RTL4: variants seen among roughly 807,000 people sequenced by gnomAD.
RTL4 encodes retrotransposon Gag like 4, also known as retrotransposon Gag-like protein 4.
RTL4 carries 4 observed loss-of-function variants against 5.3 expected under a neutral mutation model. The observed-to-expected ratio is 0.75, with a 90% CI of 0.37 to 1.72. RTL4 has a LOEUF of 1.72. RTL4 is among the 40% of genes most tolerant of loss of function. The pLI is 0.04. For synonymous variants in RTL4, 98 were observed against 87.3 expected, an observed-to-expected ratio of 1.12 and a Z score of -0.68; for missense variants, 260 against 227.1, an observed-to-expected ratio of 1.14 and a Z score of -0.93.
the RTL4 span, among the ~76,000 whole-genome samples, chrX:112,429,204 G>T: frequency 9.0e-6 from 1 of 110,929 alleles, no homozygotes. Flanking sequence ...TCTTTTTATT[G>T]CCCGTGTTCT....
chrX:112,151,497 T>C, the RTL4 span, among the ~76,000 whole-genome samples: 1 of 112,274 alleles, frequency 8.9e-6, no homozygotes, highest in Admixed American at 9.4e-5. Flanking sequence ...CTTTATCATG[T>C]CAATGTTGTG....
the RTL4 span, among the ~76,000 whole-genome samples, chrX:112,436,488 A>G: frequency 2.7e-5 from 3 of 111,508 alleles, no homozygotes; most frequent in Non-Finnish European, 5.6e-5. Context: ...TTTAGGAAAA[A>G]TCAATAGATC....
the RTL4 span, among the ~76,000 whole-genome samples, chrX:112,155,235 A>G: frequency 3.6e-5 from 4 of 110,473 alleles, no homozygotes; most frequent in Middle Eastern, 4.6e-3. Flanking sequence ...CTAGATAACT[A>G]GGAAAATGTT....
At chrX:112,228,339 G>T in the RTL4 span, among the ~76,000 whole-genome samples, 14 of 111,947 alleles carry the variant, frequency 1.3e-4, no homozygotes, top group African/African-American at 4.2e-4. Flanking sequence ...CAAGTTCAAA[G>T]GAACCATTTT....
the RTL4 span, among the ~76,000 whole-genome samples, chrX:112,201,565 A>G: frequency 6.3e-5 from 7 of 110,465 alleles, no homozygotes; most frequent in Admixed American, 1.9e-4. Context: ...GTAATAAACA[A>G]TGAAGTAGAG....
At chrX:112,314,230 A>G in the RTL4 span, among the ~76,000 whole-genome samples, 2 of 111,894 alleles carry the variant, frequency 1.8e-5, no homozygotes, top group African/African-American at 6.5e-5. Flanking sequence ...CCCACCGTTC[A>G]GCACATCCCA....
chrX:112,313,830 C>T, the RTL4 span, among the ~76,000 whole-genome samples: 3 of 109,587 alleles, frequency 2.7e-5, no homozygotes, highest in East Asian at 5.7e-4. Context: ...ATGACAAAGT[C>T]ATAAAGATGG....
At chrX:112,352,644 C>G in the RTL4 span, among the ~76,000 whole-genome samples, 1 of 111,402 alleles carries the variant, frequency 9.0e-6, no homozygotes, top group Non-Finnish European at 1.9e-5. Context: ...AAAGCTGAAA[C>G]TGGATCCCTT....
the RTL4 span, among the ~76,000 whole-genome samples, chrX:112,245,329 C>T: frequency 8.9e-6 from 1 of 111,899 alleles, no homozygotes; most frequent in African/African-American, 3.3e-5. Flanking sequence ...CTTTCAGGTA[C>T]ACCAATCCAA....
At chrX:112,330,688 C>T in the RTL4 span, among the ~76,000 whole-genome samples, 5 of 111,062 alleles carry the variant, frequency 4.5e-5, no homozygotes, top group South Asian at 3.8e-4. Context: ...AAAAAGAGCC[C>T]GCATCGCCAA....
chrX:112,290,339 G>C, the RTL4 span, among the ~76,000 whole-genome samples: 1 of 111,523 alleles, frequency 9.0e-6, no homozygotes, highest in Non-Finnish European at 1.9e-5. Flanking sequence ...AATGATGGAA[G>C]GCTTTATAAA....
At chrX:112,438,589 C>G in the RTL4 span, among the ~76,000 whole-genome samples, 3,085 of 112,564 alleles carry the variant, frequency 0.027, 35 homozygotes, top group Non-Finnish European at 0.039. Context: ...AGGGTTTGCC[C>G]TGCTCAGAAT....
chrX:112,141,945 T>C, the RTL4 span, among the ~76,000 whole-genome samples: 5 of 111,992 alleles, frequency 4.5e-5, no homozygotes, highest in Non-Finnish European at 7.5e-5. Context: ...AGAGAAGAGA[T>C]ATTATTTATT....
At chrX:112,244,698 A>T in the RTL4 span, among the ~76,000 whole-genome samples, 2 of 111,844 alleles carry the variant, frequency 1.8e-5, no homozygotes, top group Admixed American at 9.5e-5. Context: ...ATTTACATTT[A>T]AGATTAATAT....
the RTL4 span, among the ~76,000 whole-genome samples, chrX:112,172,523 A>G: frequency 1.8e-5 from 2 of 111,985 alleles, no homozygotes. Context: ...GAGCTTGTGT[A>G]GAAAAAGGAA....
chrX:112,385,288 A>G, the RTL4 span, among the ~76,000 whole-genome samples: 2 of 110,692 alleles, frequency 1.8e-5, no homozygotes, highest in Non-Finnish European at 3.8e-5. Context: ...CCCAGATTGT[A>G]TGCTATGTTT....
chrX:112,206,499 C>A, the RTL4 span, among the ~76,000 whole-genome samples: 1 of 111,508 alleles, frequency 9.0e-6, no homozygotes, highest in South Asian at 3.8e-4. Context: ...CCTCTCTAGA[C>A]TTTCATGACA....
At chrX:112,281,937 C>T in the RTL4 span, among the ~76,000 whole-genome samples, 1 of 111,974 alleles carries the variant, frequency 8.9e-6, no homozygotes, top group Non-Finnish European at 1.9e-5. Flanking sequence ...ATTTTGTAAA[C>T]TGGCTCTTCA....
chrX:112,399,671 C>T, the RTL4 span, among the ~76,000 whole-genome samples: 1 of 110,772 alleles, frequency 9.0e-6, no homozygotes, highest in African/African-American at 3.3e-5. Context: ...GTATATTTAC[C>T]CATGTTGTTG....
Sources: gnomAD v4.1 joint callset for allele counts (sites outside exome capture counted in the v4.1 genomes callset) on GRCh38, gnomAD v4.1.1 for gene constraint, MANE v1.5 for transcripts, NCBI Gene and HGNC (gene_info 2026-07-23, HGNC 2026-07-21) for gene names.